Variants in ANK3 observed in about 807,000 individuals in gnomAD.
ANK3 encodes the protein ankyrin 3.
A neutral mutation model predicts 370.9 loss-of-function variants in ANK3; 57 were observed. That is an observed-to-expected ratio of 0.15 (90% CI 0.12 to 0.19). ANK3 has a LOEUF of 0.19. Ranked by LOEUF, ANK3 falls within the 10% of genes least tolerant of loss-of-function variation. The probability of loss-of-function intolerance (pLI) is 1.00; values close to 1 mark genes in which losing one functional copy is unlikely to be tolerated. For missense variants in ANK3, 4,439 were observed against 5,302.1 expected (o/e 0.84, Z 5.06); for synonymous variants, 1,929 against 1,946.3 (o/e 0.99, Z 0.23).
chr10:60,172,491 C>T (rs2095819144), intron 20 of ANK3, 88 bp from the exon 21 acceptor site: 6 of 990,278 alleles, frequency 6.1e-6, no homozygotes, highest in Non-Finnish European at 9.4e-6. Context: ...AGTGTCTCAT[C>T]AGACCCATCC....
intron 2 of ANK3, among the ~76,000 whole-genome samples, chr10:60,568,605 A>T (rs1370988628): frequency 6.6e-6 from 1 of 152,224 alleles, no homozygotes; most frequent in Non-Finnish European, 1.5e-5. Flanking sequence ...CCTATGTAGC[A>T]TCTGCTAAGT....
At chr10:60,209,129 T>C (rs1007581282) in intron 9 of ANK3, among the ~76,000 whole-genome samples, 1 of 152,178 alleles carries the variant, frequency 6.6e-6, no homozygotes, top group Non-Finnish European at 1.5e-5. Flanking sequence ...CTTTTAACTA[T>C]GATGGCGAAG....
At chr10:60,284,582 C>T (rs1010351397) in intron 1 of ANK3, among the ~76,000 whole-genome samples, 1 of 152,094 alleles carries the variant, frequency 6.6e-6, no homozygotes, top group Non-Finnish European at 1.5e-5. Context: ...TTCATTCATT[C>T]GTTCATTTTC....
intron 18 of ANK3, among the ~76,000 whole-genome samples, chr10:60,176,196 C>CA (rs553748635): frequency 0.08 from 10,912 of 136,398 alleles, 583 homozygotes; most frequent in East Asian, 0.24. Flanking sequence ...AAAAAAAAAA[C>CA]AAAAAAAAAC....
chr10:60,206,581 A>T (rs143007182), intron 10 of ANK3, among the ~76,000 whole-genome samples: 15 of 152,292 alleles, frequency 9.8e-5, no homozygotes, highest in Non-Finnish European at 2.1e-4. Flanking sequence ...ACCAAGGTTT[A>T]TTCTGTTCTC....
chr10:60,477,932 C>T (rs2075115179), intron 2 of ANK3, among the ~76,000 whole-genome samples: 1 of 151,918 alleles, frequency 6.6e-6, no homozygotes, highest in African/African-American at 2.4e-5. Context: ...AAGGACATTC[C>T]TAGGATAATA....
intron 42 of ANK3, chr10:60,043,533 A>G: frequency 1.0e-6 from 1 of 985,444 alleles, no homozygotes; most frequent in Non-Finnish European, 1.2e-6. Context: ...GGCACATTGG[A>G]AATGGGCTGT....
intron 1 of ANK3, among the ~76,000 whole-genome samples, chr10:60,337,507 C>T (rs562863465): frequency 2.9e-4 from 44 of 152,240 alleles, no homozygotes; most frequent in African/African-American, 9.4e-4. Flanking sequence ...TATCAGGCTC[C>T]GACTGAATAC....
intron 8 of ANK3, among the ~76,000 whole-genome samples, chr10:60,216,839 G>A (rs1591876198): frequency 6.6e-6 from 1 of 152,228 alleles, no homozygotes; most frequent in African/African-American, 2.4e-5. Flanking sequence ...CAGAAGGAAT[G>A]GTACTAGCTC....
chr10:60,259,167 C>T (rs2097772657), intron 7 of ANK3, among the ~76,000 whole-genome samples: 2 of 152,148 alleles, frequency 1.3e-5, no homozygotes, highest in South Asian at 4.1e-4. Context: ...TATTATACAA[C>T]AAAATTGCTA....
rs188050146 is a variant in ANK3, at chr10:60,323,709, C to T, written c.115-44070G>A. 1.1e-3 allele frequency among the ~76,000 whole-genome samples: 164 copies of T among 152,114 alleles called. No individual in the cohort carries two copies. In the Middle Eastern group the frequency reaches 0.02, roughly 19 times the overall value. ...CACCTAATGACTGAGCTCATGGTTA[C>T]GCCAGCATTCAGAAGTTGGAGAGAT... On this transcript the variant is annotated intron_variant, in intron 1 of 43. Coordinates refer to ENST00000280772, the MANE Select transcript of ANK3 (RefSeq NM_020987.5).
At chr10:60,717,505 T>C (rs2079807128) in intron 1 of ANK3, among the ~76,000 whole-genome samples, 1 of 152,222 alleles carries the variant, frequency 6.6e-6, no homozygotes, top group African/African-American at 2.4e-5. Context: ...ATGGATTACC[T>C]AAGCAATATG....
chr10:60,327,200 C>T (rs2050116962), intron 1 of ANK3, among the ~76,000 whole-genome samples: 1 of 152,154 alleles, frequency 6.6e-6, no homozygotes, highest in Admixed American at 6.5e-5. Flanking sequence ...GACCATCCTT[C>T]ACTTCTATGC....
intron 4 of ANK3, among the ~76,000 whole-genome samples, chr10:60,274,949 C>A (rs1051558169): frequency 6.6e-6 from 1 of 152,170 alleles, no homozygotes; most frequent in African/African-American, 2.4e-5. Flanking sequence ...CCATCACTCC[C>A]TAGCTCAAAG....
chr10:60,282,339 T>C (rs1443654662), intron 1 of ANK3, among the ~76,000 whole-genome samples: 1 of 152,186 alleles, frequency 6.6e-6, no homozygotes, highest in African/African-American at 2.4e-5. Context: ...CCATACACTG[T>C]CCATTTTGCT....
At chr10:60,410,107 G>A (rs2063529540) in intron 2 of ANK3, among the ~76,000 whole-genome samples, 1 of 151,998 alleles carries the variant, frequency 6.6e-6, no homozygotes, top group South Asian at 2.1e-4. Context: ...AACCTTGTAG[G>A]TTTCACGGTA....
chr10:60,101,402 C>T (rs562708619), intron 28 of ANK3, among the ~76,000 whole-genome samples: 2 of 152,218 alleles, frequency 1.3e-5, no homozygotes, highest in South Asian at 4.1e-4. Flanking sequence ...TAACTTTAAA[C>T]ATGTTTAATT....
At chr10:60,520,565 C>A (rs1285200528) in intron 2 of ANK3, among the ~76,000 whole-genome samples, 2 of 152,086 alleles carry the variant, frequency 1.3e-5, no homozygotes, top group Non-Finnish European at 2.9e-5. Context: ...TTCTAAGAGG[C>A]CTGCTCAGTT....
chr10:60,594,951 T>C (rs1252142563), intron 2 of ANK3, among the ~76,000 whole-genome samples: 6 of 152,160 alleles, frequency 3.9e-5, no homozygotes, highest in Admixed American at 2.0e-4. Flanking sequence ...TCTGGCTTAA[T>C]GGGATCCTTT....
Sources: allele counts gnomAD v4.1 joint callset (sites outside exome capture counted in the v4.1 genomes callset), GRCh38; gene constraint gnomAD v4.1.1; transcripts MANE v1.5; gene names NCBI Gene and HGNC (gene_info 2026-07-23, HGNC 2026-07-21).